ROBO2: variants seen among roughly 807,000 people sequenced by gnomAD.
ROBO2 encodes the protein roundabout guidance receptor 2.
A neutral mutation model predicts 160.8 loss-of-function variants in ROBO2; 53 were observed. That is an observed-to-expected ratio of 0.33 (90% CI 0.26 to 0.41). The LOEUF (loss-of-function observed/expected upper bound fraction) is 0.41. Among genes scored for constraint, ROBO2 ranks in the 10% least tolerant of loss-of-function variants. The pLI is 1.00. For synonymous variants in ROBO2, 664 were observed against 611.7 expected (o/e 1.09, Z -1.26); for missense variants, 1,577 against 1,722.4 (o/e 0.92, Z 1.49).
At chr3:76,921,331 G>T (rs1482238229) in intron 2 of ROBO2, among the ~76,000 whole-genome samples, 1 of 152,060 alleles carries the variant, frequency 6.6e-6, no homozygotes, top group Non-Finnish European at 1.5e-5. Flanking sequence ...CTAATTTTTG[G>T]CCAGGCGGGA....
At chr3:76,640,569 A>ATAAAT (rs1410097058) in intron 2 of ROBO2, among the ~76,000 whole-genome samples, 13 of 91,498 alleles carry the variant, frequency 1.4e-4, no homozygotes, top group African/African-American at 4.3e-4. Context: ...AAATAAATAA[A>ATAAAT]TAAATATCAA....
intron 2 of ROBO2, among the ~76,000 whole-genome samples, chr3:76,508,878 T>C (rs1455289307): frequency 6.6e-6 from 1 of 152,236 alleles, no homozygotes; most frequent in African/African-American, 2.4e-5. Context: ...TATAGTAAGT[T>C]AGTGCAGGAT....
chr3:76,819,322 G>A (rs985607082), intron 2 of ROBO2, among the ~76,000 whole-genome samples: 4 of 152,022 alleles, frequency 2.6e-5, no homozygotes, highest in Admixed American at 6.6e-5. Flanking sequence ...ATTAGGCCAT[G>A]AACAAATCTG....
chr3:76,439,459 G>A (rs1466417218), intron 2 of ROBO2, among the ~76,000 whole-genome samples: 1 of 152,088 alleles, frequency 6.6e-6, no homozygotes, highest in Non-Finnish European at 1.5e-5. Context: ...GGGAAGATAA[G>A]AGAAGGTGCT....
intron 2 of ROBO2, among the ~76,000 whole-genome samples, chr3:76,778,211 T>G (rs1192144528): frequency 6.6e-6 from 1 of 151,056 alleles, no homozygotes; most frequent in Non-Finnish European, 1.5e-5. Flanking sequence ...GTGTATCAGA[T>G]AGAGAAAAAG....
At chr3:77,024,672 A>G (rs1482868602) in intron 2 of ROBO2, among the ~76,000 whole-genome samples, 1 of 152,194 alleles carries the variant, frequency 6.6e-6, no homozygotes, top group African/African-American at 2.4e-5. Context: ...CTCTGTACAT[A>G]CCAGTTGTTC....
chr3:76,628,969 T>A (rs917147464), intron 2 of ROBO2, among the ~76,000 whole-genome samples: 2 of 95,252 alleles, frequency 2.1e-5, no homozygotes, highest in African/African-American at 8.9e-5. Context: ...TCCAAATATG[T>A]TGAAGGTATA....
chr3:77,035,721 G>A (rs2149579935), upstream of ROBO2, among the ~76,000 whole-genome samples: 1 of 151,832 alleles, frequency 6.6e-6, no homozygotes, highest in African/African-American at 2.4e-5. Context: ...TTTTATCTTG[G>A]CTCCCTCAGA....
At chr3:77,201,229 C>T (rs979267308) in intron 2 of ROBO2, among the ~76,000 whole-genome samples, 13 of 152,126 alleles carry the variant, frequency 8.5e-5, no homozygotes, top group Non-Finnish European at 1.9e-4. Context: ...TGGAGTTGAA[C>T]CCAGAACTTT....
At chr3:77,212,419 T>C (rs2084300341) in intron 2 of ROBO2, among the ~76,000 whole-genome samples, 1 of 152,204 alleles carries the variant, frequency 6.6e-6, no homozygotes, top group Non-Finnish European at 1.5e-5. Context: ...TTTTGGACAT[T>C]GATTTTGTAT....
At chr3:77,593,495 G>T (rs1420408528) in intron 17 of ROBO2, among the ~76,000 whole-genome samples, 2 of 152,138 alleles carry the variant, frequency 1.3e-5, no homozygotes, top group East Asian at 3.9e-4. Flanking sequence ...CAGATGCAAA[G>T]GTTATGTCAG....
chr3:76,569,239 G>A (rs967854408), intron 2 of ROBO2, among the ~76,000 whole-genome samples: 1 of 152,010 alleles, frequency 6.6e-6, no homozygotes, highest in Non-Finnish European at 1.5e-5. Flanking sequence ...CAGTTCAGAA[G>A]TTTTCTGGGT....
chr3:76,164,735 C>A (rs575852774), intron 2 of ROBO2, among the ~76,000 whole-genome samples: 2 of 152,180 alleles, frequency 1.3e-5, no homozygotes, highest in African/African-American at 4.8e-5. Flanking sequence ...TTACAGGGCA[C>A]GGGAAGAGAA....
At chr3:76,846,415 A>G (rs2068777287) in intron 2 of ROBO2, among the ~76,000 whole-genome samples, 1 of 152,136 alleles carries the variant, frequency 6.6e-6, no homozygotes, top group Non-Finnish European at 1.5e-5. Flanking sequence ...TACTAATTGA[A>G]TTAAGTTCAT....
intron 2 of ROBO2, among the ~76,000 whole-genome samples, chr3:77,247,141 C>A (rs751117516): frequency 6.6e-6 from 1 of 152,158 alleles, no homozygotes; most frequent in Non-Finnish European, 1.5e-5. Context: ...AGACTGAATT[C>A]TTTAGTCCAT....
chr3:76,114,299 G>A (rs1461598323), intron 2 of ROBO2, among the ~76,000 whole-genome samples: 1 of 152,066 alleles, frequency 6.6e-6, no homozygotes, highest in African/African-American at 2.4e-5. Context: ...TAAGTGTTCG[G>A]TGGCTTTTCA....
At chr3:77,181,778 T>C (rs547557894) in intron 2 of ROBO2, among the ~76,000 whole-genome samples, 5 of 152,092 alleles carry the variant, frequency 3.3e-5, no homozygotes, top group Non-Finnish European at 7.4e-5. Flanking sequence ...TATATGTAAA[T>C]TTTCAAATAT....
chr3:77,521,747 G>C (rs2090620113), intron 5 of ROBO2, among the ~76,000 whole-genome samples: 2 of 151,208 alleles, frequency 1.3e-5, no homozygotes. Flanking sequence ...AAATTAAGCT[G>C]GGTTATTCTT....
intron 2 of ROBO2, among the ~76,000 whole-genome samples, chr3:76,085,126 C>T (rs976345588): frequency 1.3e-5 from 2 of 151,010 alleles, no homozygotes; most frequent in Admixed American, 6.6e-5. Flanking sequence ...TACACACACA[C>T]ACACACACAC....
Sources: gnomAD v4.1 joint callset for allele counts (sites outside exome capture counted in the v4.1 genomes callset) on GRCh38, gnomAD v4.1.1 for gene constraint, MANE v1.5 for transcripts, NCBI Gene and HGNC (gene_info 2026-07-23, HGNC 2026-07-21) for gene names.